AFG1L: variants seen among roughly 807,000 people sequenced by gnomAD.
AFG1L encodes the protein AFG1 like ATPase.
In AFG1L, 53 loss-of-function variants were observed where a neutral mutation model predicts 62.2. The ratio of observed to expected loss-of-function variants is 0.85; its 90% confidence interval spans 0.68 to 1.07. The LOEUF (loss-of-function observed/expected upper bound fraction) is 1.07. AFG1L is among the 50% of genes least tolerant of loss of function. The pLI, the probability that AFG1L is intolerant of heterozygous loss-of-function variation, is 0.00. For missense variants in AFG1L, 555 were observed against 590.5 expected, an observed-to-expected ratio of 0.94 and a Z score of 0.62; for synonymous variants, 228 against 210.3, an observed-to-expected ratio of 1.08 and a Z score of -0.73.
chr6:108,349,268 A>G (rs140203268), intron 3 of AFG1L, among the ~76,000 whole-genome samples: 2 of 152,152 alleles, frequency 1.3e-5, no homozygotes, highest in East Asian at 3.9e-4. Context: ...TGGATTGCCT[A>G]AGCCCAGGAG....
chr6:108,433,567 GT>G (rs1201402197), intron 7 of AFG1L, among the ~76,000 whole-genome samples: 1 of 150,778 alleles, frequency 6.6e-6, no homozygotes, highest in African/African-American at 2.4e-5. Flanking sequence ...GATTACATGT[GT>G]AAACCACCAC....
chr6:108,427,478 C>T (rs999782370), intron 7 of AFG1L, among the ~76,000 whole-genome samples: 6 of 149,700 alleles, frequency 4.0e-5, no homozygotes, highest in East Asian at 3.9e-4. Context: ...TTAGTGCATA[C>T]GAGCCAATAT....
rs922665373 is a variant in AFG1L, at chr6:108,524,652, C to T, written c.*2227C>T. The T allele has an allele frequency of 8.5e-5, 13 of 152,228 alleles. No individual in the cohort carries two copies. Among genetic ancestry groups the T allele is most frequent in the African/African-American group, 3.1e-4 (13 of 41,456 alleles). The allele number at this position is 152,228 out of a possible 1,614,324, so 9.4% of individuals were successfully genotyped here. On this transcript the variant is annotated 3_prime_UTR_variant, in exon 13 of 13. Transcript: ENST00000368977. The stretch of plus-strand genomic sequence containing the variant: ...TTCTGTGCCCCCAATCCGCAATCTC[C>T]TTCCCCAGTTCCAGGGGCCTGCTGG...
chr6:108,456,952 C>G (rs536518500), intron 8 of AFG1L, among the ~76,000 whole-genome samples: 1 of 152,176 alleles, frequency 6.6e-6, no homozygotes, highest in Non-Finnish European at 1.5e-5. Context: ...CCGTACACCA[C>G]AAGTGCGTAG....
intron 6 of AFG1L, among the ~76,000 whole-genome samples, chr6:108,366,874 A>G (rs1562111957): frequency 6.6e-6 from 1 of 152,198 alleles, no homozygotes; most frequent in Non-Finnish European, 1.5e-5. Flanking sequence ...TCACGTGCTC[A>G]GTTAAAGGTC....
intron 10 of AFG1L, among the ~76,000 whole-genome samples, chr6:108,508,672 C>A (rs1297599720): frequency 6.6e-6 from 1 of 152,170 alleles, no homozygotes; most frequent in East Asian, 1.9e-4. Context: ...TTTACTTGTA[C>A]CTCCCCACAC....
At chr6:108,300,765 C>T (rs1040891484) in intron 1 of AFG1L, among the ~76,000 whole-genome samples, 19 of 151,526 alleles carry the variant, frequency 1.3e-4, no homozygotes, top group Non-Finnish European at 2.1e-4. Flanking sequence ...CTCCGTCTCA[C>T]AGGTTCAAGC....
chr6:108,315,896 C>T (rs1442126945), intron 1 of AFG1L, among the ~76,000 whole-genome samples: 1 of 152,018 alleles, frequency 6.6e-6, no homozygotes, highest in Non-Finnish European at 1.5e-5. Flanking sequence ...AAAAATGAAA[C>T]GTGAGCCAGG....
intron 7 of AFG1L, among the ~76,000 whole-genome samples, chr6:108,411,726 A>G (rs1023810581): frequency 6.6e-6 from 1 of 152,220 alleles, no homozygotes; most frequent in African/African-American, 2.4e-5. Flanking sequence ...AACAAACAGA[A>G]AGGACATCCA....
chr6:108,356,890 C>A, intron 5 of AFG1L, 70 bp downstream of exon 5: 1 of 1,277,218 alleles, frequency 7.8e-7, no homozygotes, highest in Non-Finnish European at 1.1e-6. Flanking sequence ...AATTTTGCTC[C>A]TGATTTTATC....
rs189045367 is a variant in AFG1L, at chr6:108,371,312, C to T, written c.748+4980C>T. ...ACTAAACAGGCTGGGTGTAATGGCT[C>T]ATGCTTACAATCCCAGCTTTTTGGG... On this transcript the variant is annotated intron_variant, in intron 6 of 12. Transcript: ENST00000368977. Among the ~76,000 whole-genome samples, 158 of 152,240 alleles carry T rather than the reference C, an allele frequency of 1.0e-3. 1 individual carries two copies. The highest frequency in any genetic ancestry group is 4.1e-3 in the Admixed American group (62 of 15,296).
intron 7 of AFG1L, among the ~76,000 whole-genome samples, chr6:108,426,119 T>C (rs898511627): frequency 3.1e-4 from 47 of 152,194 alleles, no homozygotes; most frequent in Non-Finnish European, 5.9e-4. Context: ...TTTTTTAAGC[T>C]AAATATTTTA....
At chr6:108,501,818 T>C (rs1774216582) in intron 10 of AFG1L, among the ~76,000 whole-genome samples, 1 of 152,230 alleles carries the variant, frequency 6.6e-6, no homozygotes, top group African/African-American at 2.4e-5. Context: ...TCCAGGCCAC[T>C]GGAACCGATG....
chr6:108,498,756 C>T (rs2114870433), intron 10 of AFG1L, among the ~76,000 whole-genome samples: 1 of 152,210 alleles, frequency 6.6e-6, no homozygotes, highest in East Asian at 1.9e-4. Context: ...AGGCAGATCA[C>T]CTGAGATCAG....
chr6:108,321,478 T>C (rs893486154), intron 1 of AFG1L, among the ~76,000 whole-genome samples: 1 of 152,154 alleles, frequency 6.6e-6, no homozygotes, highest in Admixed American at 6.5e-5. Context: ...TTCTACCCAC[T>C]TGGTCCTTCT....
chr6:108,519,590 C>A, intron 11 of AFG1L, 107 bp from the exon 12 acceptor site: 2 of 644,402 alleles, frequency 3.1e-6, no homozygotes, highest in Non-Finnish European at 5.5e-6. Flanking sequence ...AAGCAAAGAT[C>A]CAAGCTCCTG....
chr6:108,494,706 G>C (rs1773908967), intron 10 of AFG1L, among the ~76,000 whole-genome samples: 1 of 151,854 alleles, frequency 6.6e-6, no homozygotes, highest in Admixed American at 6.6e-5. Flanking sequence ...ATGAATCTTG[G>C]GAAATTATTT....
Position 108,525,875 on chromosome 6 carries a change from A to G in AFG1L, c.*3450A>G, listed in dbSNP as rs1775298491. 1 of 152,188 alleles carries G rather than the reference A, an allele frequency of 6.6e-6. No homozygotes were observed. The highest frequency in any genetic ancestry group is 1.5e-5 in the Non-Finnish European group (1 of 68,038). The allele number at this position is 152,188 out of a possible 1,614,324, so 9.4% of individuals were successfully genotyped here. On this transcript the variant is annotated 3_prime_UTR_variant, in exon 13 of 13. Coordinates refer to ENST00000368977, the MANE Select transcript of AFG1L (RefSeq NM_145315.5). ...CTACACTTGACGGCTGCTTTATCTG[A>G]GATTAAAAACATGCAGAAGGATTGG...
chr6:108,378,364 G>C (rs1395527911), intron 6 of AFG1L, among the ~76,000 whole-genome samples: 1 of 152,008 alleles, frequency 6.6e-6, no homozygotes, highest in Non-Finnish European at 1.5e-5. Context: ...CTGCTGCCCA[G>C]GCTGGAGTGC....
Sources: gnomAD v4.1 joint callset for allele counts (sites outside exome capture counted in the v4.1 genomes callset) on GRCh38, gnomAD v4.1.1 for gene constraint, MANE v1.5 for transcripts, NCBI Gene and HGNC (gene_info 2026-07-23, HGNC 2026-07-21) for gene names.